ABCD3: variants seen among roughly 807,000 people sequenced by gnomAD.
The protein encoded by ABCD3 is ATP binding cassette subfamily D member 3, also known as ATP-binding cassette sub-family D member 3.
ABCD3 carries 41 observed loss-of-function variants against 105.5 expected under a neutral mutation model. That is an observed-to-expected ratio of 0.39 (90% confidence interval 0.30 to 0.50). ABCD3 has a LOEUF of 0.50. ABCD3 is among the 20% of genes least tolerant of loss of function. ABCD3 has a pLI of 0.84. For synonymous variants in ABCD3, 258 were observed against 269.0 expected (o/e 0.96, Z 0.40); for missense variants, 622 against 806.3 (o/e 0.77, Z 2.77).
intron 16 of ABCD3, among the ~76,000 whole-genome samples, chr1:94,496,204 C>T (rs1345214259): frequency 6.6e-6 from 1 of 152,160 alleles, no homozygotes; most frequent in African/African-American, 2.4e-5. Flanking sequence ...ACTTTTCCAT[C>T]ATCCCAAATA....
At chr1:94,455,452 A>T (rs1345714647) in intron 1 of ABCD3, among the ~76,000 whole-genome samples, 3 of 151,694 alleles carry the variant, frequency 2.0e-5, no homozygotes, top group Non-Finnish European at 2.9e-5. Flanking sequence ...CAGCCTCCTG[A>T]GTAGCTGGGA....
At chr1:94,406,438 C>T in the ABCD3 span, 1 of 371,776 alleles carries the variant, frequency 2.7e-6, no homozygotes, top group African/African-American at 2.2e-5. Flanking sequence ...AGCTCAGGTT[C>T]CTTTCCAGTT....
chr1:94,395,055 T>A, the ABCD3 span, among the ~76,000 whole-genome samples: 1 of 152,210 alleles, frequency 6.6e-6, no homozygotes, highest in East Asian at 1.9e-4. Flanking sequence ...TCCCAGGCCA[T>A]GCAATCTTTG....
At chr1:94,489,609 TG>T in intron 13 of ABCD3, 115 bp from the exon 14 acceptor site, 2 of 755,390 alleles carry the variant, frequency 2.6e-6, no homozygotes, top group Admixed American at 4.1e-5. Flanking sequence ...TTGATGAGAC[TG>T]TTAGGTTACT....
chr1:94,442,016 T>A (rs553892090), intron 1 of ABCD3, among the ~76,000 whole-genome samples: 1 of 152,296 alleles, frequency 6.6e-6, no homozygotes, highest in Non-Finnish European at 1.5e-5. Context: ...AGAGAAAGTC[T>A]TTGTTTTTAG....
upstream of ABCD3, among the ~76,000 whole-genome samples, chr1:94,417,977 T>C (rs1218535426): frequency 6.6e-6 from 1 of 152,248 alleles, no homozygotes; most frequent in Non-Finnish European, 1.5e-5. Flanking sequence ...ACACGCTCTG[T>C]GACGGGGCCG....
intron 1 of ABCD3, among the ~76,000 whole-genome samples, chr1:94,456,221 C>T (rs1427403333): frequency 6.9e-6 from 1 of 144,632 alleles, no homozygotes; most frequent in African/African-American, 2.6e-5. Flanking sequence ...AGTATAATGT[C>T]CCCCGGTTCA....
Position 94,418,604 on chromosome 1 carries a change from G to A in ABCD3, c.110+16G>A. On this transcript the variant is annotated intron_variant, in intron 1 of 22. Coordinates refer to ENST00000370214, the MANE Select transcript of ABCD3 (RefSeq NM_002858.4). ...GCCTGCACGGGTAAGAAGGCCCGTAGCCGTGCAGCTTTCCCGGGCTGGAGC... is the reference window on the plus strand; with the variant it reads ...GCCTGCACGGGTAAGAAGGCCCGTAACCGTGCAGCTTTCCCGGGCTGGAGC... The A allele has an allele frequency of 6.3e-7, 1 of 1,582,086 alleles. No homozygotes were observed. Among genetic ancestry groups the A allele is most frequent in the Non-Finnish European group, 8.5e-7 (1 of 1,170,362 alleles).
intron 1 of ABCD3, among the ~76,000 whole-genome samples, chr1:94,429,824 C>A (rs1010338955): frequency 6.6e-6 from 1 of 152,214 alleles, no homozygotes; most frequent in African/African-American, 2.4e-5. Context: ...GGAGCCCCCA[C>A]ACAGAATCCC....
intron 1 of ABCD3, among the ~76,000 whole-genome samples, chr1:94,438,692 A>G (rs532130693): frequency 6.6e-6 from 1 of 152,330 alleles, no homozygotes; most frequent in African/African-American, 2.4e-5. Context: ...TTCAGCAGCC[A>G]TTAACATGGA....
At chr1:94,464,629 A>G in intron 2 of ABCD3, 146 bp from the exon 3 acceptor site, 1 of 715,736 alleles carries the variant, frequency 1.4e-6, no homozygotes, top group South Asian at 1.6e-5. Context: ...GAATATGAGG[A>G]GCAGTGTAAG....
the ABCD3 span, among the ~76,000 whole-genome samples, chr1:94,385,676 A>G: frequency 6.6e-6 from 1 of 152,186 alleles, no homozygotes; most frequent in Non-Finnish European, 1.5e-5. Flanking sequence ...TAATCTTCCA[A>G]AGAACTTTAC....
chr1:94,505,227 G>A (rs1220037334), intron 20 of ABCD3, among the ~76,000 whole-genome samples: 1 of 151,950 alleles, frequency 6.6e-6, no homozygotes. Flanking sequence ...TTGAGATAGC[G>A]TCTTGCTGTT....
the ABCD3 span, among the ~76,000 whole-genome samples, chr1:94,394,258 T>A: frequency 6.6e-6 from 1 of 152,192 alleles, no homozygotes; most frequent in Non-Finnish European, 1.5e-5. Flanking sequence ...TGGACCAGTA[T>A]GATAATCTGT....
At chr1:94,517,011 A>G (rs765442071) in intron 22 of ABCD3, 41 bp from the exon 23 acceptor site, 1 of 1,315,708 alleles carries the variant, frequency 7.6e-7, no homozygotes, top group South Asian at 1.2e-5. Flanking sequence ...TACTATATTC[A>G]CTCTTAGTTA....
At chr1:94,386,943 A>G in the ABCD3 span, among the ~76,000 whole-genome samples, 3 of 152,242 alleles carry the variant, frequency 2.0e-5, no homozygotes, top group Non-Finnish European at 2.9e-5. Context: ...TTTAATTTTT[A>G]GAATTGTGTC....
At chr1:94,501,875 CTT>C (rs4148064) in intron 20 of ABCD3, among the ~76,000 whole-genome samples, 1 of 146,806 alleles carries the variant, frequency 6.8e-6, no homozygotes, top group Admixed American at 6.8e-5. Flanking sequence ...TTTTGTAAAT[CTT>C]TTTTTTTTTT....
At chr1:94,477,651 A>G (rs1308283416) in intron 7 of ABCD3, among the ~76,000 whole-genome samples, 2 of 150,710 alleles carry the variant, frequency 1.3e-5, no homozygotes, top group Admixed American at 1.3e-4. Context: ...CTTGAAAAAC[A>G]TTTCAAACTA....
At chr1:94,508,906 A>G (rs1379718770) in intron 21 of ABCD3, among the ~76,000 whole-genome samples, 2 of 152,186 alleles carry the variant, frequency 1.3e-5, no homozygotes, top group Non-Finnish European at 2.9e-5. Context: ...GGGGTTTTCT[A>G]GATATACAAT....
Sources: gnomAD v4.1 joint callset for allele counts (sites outside exome capture counted in the v4.1 genomes callset) on GRCh38, gnomAD v4.1.1 for gene constraint, MANE v1.5 for transcripts, NCBI Gene and HGNC (gene_info 2026-07-23, HGNC 2026-07-21) for gene names.